MED13: variants seen among roughly 807,000 people sequenced by gnomAD.
MED13 encodes the protein mediator complex subunit 13.
A neutral mutation model predicts 225.2 loss-of-function variants in MED13; 23 were observed. The observed-to-expected ratio is 0.10, with a 90% CI of 0.07 to 0.14. MED13 has a LOEUF of 0.14. MED13 is among the 10% of genes least tolerant of loss of function. The pLI is 1.00. For synonymous variants in MED13, 942 were observed against 889.2 expected (o/e 1.06, Z -1.06); for missense variants, 2,197 against 2,594.5 (o/e 0.85, Z 3.33).
intron 1 of MED13, among the ~76,000 whole-genome samples, chr17:62,064,268 G>C (rs569426291): frequency 6.6e-6 from 1 of 152,346 alleles, no homozygotes; most frequent in South Asian, 2.1e-4. Flanking sequence ...TACAGGACAA[G>C]TTATTTGCAA....
chr17:62,032,846 C>G (rs537345327), intron 5 of MED13, among the ~76,000 whole-genome samples: 87 of 152,266 alleles, frequency 5.7e-4, no homozygotes, highest in African/African-American at 2.1e-3. Flanking sequence ...TACAGCCAAT[C>G]TGAAAAAATC....
At chr17:62,053,906 G>A (rs576957179) in intron 2 of MED13, among the ~76,000 whole-genome samples, 35 of 152,162 alleles carry the variant, frequency 2.3e-4, no homozygotes, top group Non-Finnish European at 2.6e-4. Context: ...GACTTTAACT[G>A]CACTAGAAAT....
At position 61,943,451 on chromosome 17, in the gene MED13, C is replaced by T. The variant is rs1256527750; in HGVS notation, c.*3017G>A. On this transcript the variant is annotated 3_prime_UTR_variant, in exon 30 of 30. Coordinates refer to ENST00000397786, the MANE Select transcript of MED13 (RefSeq NM_005121.3). ...AACACATTAAGTTAAAAAATTACCT[C>T]AGAAGGTAAATATGAAGACGAAAGG... 6.6e-6 allele frequency: 1 copy of T among 152,510 alleles called. No individual in the cohort carries two copies. The highest frequency in any genetic ancestry group is 1.5e-5 in the Non-Finnish European group (1 of 67,982). The allele number at this position is 152,510 out of a possible 1,614,324, so 9.4% of individuals were successfully genotyped here.
chr17:61,979,470 C>T (rs1392170218), intron 16 of MED13, among the ~76,000 whole-genome samples: 1 of 151,980 alleles, frequency 6.6e-6, no homozygotes, highest in South Asian at 2.1e-4. Context: ...CTACCACACC[C>T]AGCTAATTTT....
intron 3 of MED13, among the ~76,000 whole-genome samples, chr17:62,043,395 A>G (rs1231720750): frequency 6.6e-6 from 1 of 152,140 alleles, no homozygotes; most frequent in African/African-American, 2.4e-5. Flanking sequence ...CATTATAGAC[A>G]GGCTACAGGG....
chr17:61,946,720 C>A, intron 29 of MED13, 120 bp from the exon 30 acceptor site: 1 of 1,283,804 alleles, frequency 7.8e-7, no homozygotes, highest in Non-Finnish European at 1.1e-6. Context: ...AACAGAGAGT[C>A]CTTGAGGGGA....
chr17:62,049,567 A>C (rs540212143), intron 3 of MED13, among the ~76,000 whole-genome samples: 1 of 152,212 alleles, frequency 6.6e-6, no homozygotes, highest in Non-Finnish European at 1.5e-5. Flanking sequence ...TTACTAACTC[A>C]TAACATTAAT....
chr17:62,028,872 T>C (rs931402140), intron 8 of MED13, among the ~76,000 whole-genome samples: 1 of 151,982 alleles, frequency 6.6e-6, no homozygotes, highest in African/African-American at 2.4e-5. Context: ...AAAAGATTAC[T>C]GTAGGCCAGA....
rs1158959928 is a variant in MED13, at chr17:62,029,537, C to G, written c.1283+4G>C. 6.2e-7 allele frequency: 1 copy of G among 1,610,586 alleles called. No individual in the cohort carries two copies. Among genetic ancestry groups the G allele is most frequent in the Non-Finnish European group, 8.5e-7 (1 of 1,177,026 alleles). ...AGGCATCAATCGATCGGGAAATAAT[C>G]TACCTCAAACAACTGCAATTTGTTC... is the stretch of plus-strand genomic sequence containing the variant. On this transcript the variant is annotated splice_donor_region_variant and intron_variant, in intron 8 of 29. Coordinates refer to ENST00000397786, the MANE Select transcript of MED13 (RefSeq NM_005121.3).
chr17:61,956,311 A>G (rs1157250599), intron 24 of MED13, 28 bp downstream of exon 24: 1 of 1,595,874 alleles, frequency 6.3e-7, no homozygotes, highest in Non-Finnish European at 8.5e-7. Context: ...AAACGGAAAT[A>G]TAAATACTAA....
intron 27 of MED13, among the ~76,000 whole-genome samples, chr17:61,952,085 G>C (rs1009009288): frequency 6.6e-6 from 1 of 151,992 alleles, no homozygotes; most frequent in African/African-American, 2.4e-5. Context: ...AGTAGAGATG[G>C]GGTTTCACTG....
rs1344431715 is a variant in MED13, at chr17:61,959,431, C to T, written c.5480+1436G>A. Among the ~76,000 whole-genome samples, 3 of 151,986 alleles carry T rather than the reference C, an allele frequency of 2.0e-5. No homozygotes were observed. In the East Asian group the frequency reaches 5.8e-4, roughly 29 times the overall value. On this transcript the variant is annotated intron_variant, in intron 23 of 29. Coordinates refer to ENST00000397786, the MANE Select transcript of MED13 (RefSeq NM_005121.3). ...TTTTTCTCTACTTTCTCATACTTCACAGATTAGCATATTCTTTCCCGAGTT... is the reference window on the plus strand; with the variant it reads ...TTTTTCTCTACTTTCTCATACTTCATAGATTAGCATATTCTTTCCCGAGTT...
intron 2 of MED13, among the ~76,000 whole-genome samples, chr17:62,062,598 CACCACACA>C (rs566792587): frequency 0.1 from 10,441 of 103,342 alleles, 1,112 homozygotes; most frequent in African/African-American, 0.34. Flanking sequence ...CACACACACA[CACCACACA>C]CACACACACA....
At chr17:62,046,010 CA>C (rs1382209536) in intron 3 of MED13, among the ~76,000 whole-genome samples, 87 of 152,198 alleles carry the variant, frequency 5.7e-4, no homozygotes, top group African/African-American at 2.1e-3. Flanking sequence ...TTGTTCAGGT[CA>C]AAGTAGTTTC....
At chr17:61,947,772 G>C (rs1181630020) in intron 28 of MED13, among the ~76,000 whole-genome samples, 2 of 152,122 alleles carry the variant, frequency 1.3e-5, no homozygotes, top group Non-Finnish European at 2.9e-5. Flanking sequence ...AATAGTGGGA[G>C]AAAGGAATAA....
chr17:62,046,089 GATTA>G (rs1438175258), intron 3 of MED13, among the ~76,000 whole-genome samples: 1 of 152,082 alleles, frequency 6.6e-6, no homozygotes, highest in East Asian at 1.9e-4. Context: ...AAAGTGAATT[GATTA>G]GTCAACAAAA....
chr17:61,947,124 T>C lies in MED13; in HGVS notation c.6292-107A>G, dbSNP rs139075850. On this transcript the variant is annotated intron_variant, in intron 28 of 29. Coordinates refer to ENST00000397786, the MANE Select transcript of MED13 (RefSeq NM_005121.3). ...TCTTATAAAATGATGAAATACATTT[T>C]AGTCCTATGTTATGAATGAAAGCCA... The C allele has an allele frequency of 1.3e-3, 962 of 720,728 alleles. 8 individuals are homozygous for C. In the African/African-American group the frequency reaches 0.015, roughly 11 times the overall value. 44.6% of individuals were successfully genotyped at this position (720,728 alleles called of 1,614,324 possible).
intron 3 of MED13, among the ~76,000 whole-genome samples, chr17:62,038,224 T>C (rs1205261650): frequency 1.3e-5 from 2 of 151,842 alleles, no homozygotes; most frequent in Non-Finnish European, 2.9e-5. Flanking sequence ...TAAGACCCCA[T>C]CTCCACAAAA....
At chr17:62,020,479 C>T (rs894281818) in intron 8 of MED13, among the ~76,000 whole-genome samples, 20 of 152,102 alleles carry the variant, frequency 1.3e-4, no homozygotes, top group East Asian at 3.9e-4. Context: ...CAGGTTCAAG[C>T]GAGTCTCCTG....
Sources: gnomAD v4.1 joint callset for allele counts (sites outside exome capture counted in the v4.1 genomes callset) on GRCh38, gnomAD v4.1.1 for gene constraint, MANE v1.5 for transcripts, NCBI Gene and HGNC (gene_info 2026-07-23, HGNC 2026-07-21) for gene names.